Variants in CAMK1D observed in about 807,000 individuals in gnomAD.
CAMK1D encodes calcium/calmodulin dependent protein kinase ID.
In CAMK1D, 9 loss-of-function variants were observed where a neutral mutation model predicts 47.7. The ratio of observed to expected loss-of-function variants is 0.19; its 90% CI spans 0.11 to 0.33. CAMK1D has a LOEUF of 0.33. Ranked by LOEUF, CAMK1D falls within the 10% of genes least tolerant of loss-of-function variation. The pLI is 1.00. For synonymous variants in CAMK1D, 184 were observed against 184.9 expected (o/e 0.99, Z 0.04); for missense variants, 291 against 488.7 (o/e 0.60, Z 3.81).
At chr10:12,443,577 AATG>A (rs544893421) in intron 1 of CAMK1D, among the ~76,000 whole-genome samples, 11 of 152,302 alleles carry the variant, frequency 7.2e-5, no homozygotes, top group African/African-American at 2.6e-4. Flanking sequence ...GGAATAAAAG[AATG>A]GCTATTCCAT....
At chr10:12,702,500 A>G (rs1833562402) in intron 3 of CAMK1D, among the ~76,000 whole-genome samples, 2 of 152,218 alleles carry the variant, frequency 1.3e-5, no homozygotes, top group African/African-American at 4.8e-5. Flanking sequence ...CACTGAACAA[A>G]CAATGATGCA....
intron 3 of CAMK1D, among the ~76,000 whole-genome samples, chr10:12,712,704 A>G (rs1019913948): frequency 2.0e-5 from 3 of 152,090 alleles, no homozygotes; most frequent in African/African-American, 7.2e-5. Flanking sequence ...ATACCATCAT[A>G]CTGGGGGTTA....
intron 5 of CAMK1D, among the ~76,000 whole-genome samples, chr10:12,783,859 A>G (rs542120429): frequency 3.1e-4 from 47 of 152,302 alleles, no homozygotes; most frequent in African/African-American, 1.1e-3. Flanking sequence ...TGAGTCTCAC[A>G]GTAGTAAATC....
intron 2 of CAMK1D, among the ~76,000 whole-genome samples, chr10:12,630,377 T>C (rs563585705): frequency 3.1e-4 from 40 of 129,994 alleles, no homozygotes; most frequent in African/African-American, 8.8e-4. Flanking sequence ...TTCTTTCTTT[T>C]TTTTTTTTTT....
At chr10:12,532,004 A>G (rs949507800) in intron 1 of CAMK1D, among the ~76,000 whole-genome samples, 1 of 152,250 alleles carries the variant, frequency 6.6e-6, no homozygotes, top group African/African-American at 2.4e-5. Flanking sequence ...GCTCTTCCCA[A>G]TAAAGGCTTA....
At chr10:12,441,360 C>G (rs1440101522) in intron 1 of CAMK1D, among the ~76,000 whole-genome samples, 1 of 152,016 alleles carries the variant, frequency 6.6e-6, no homozygotes, top group Non-Finnish European at 1.5e-5. Flanking sequence ...ACAGGCCTGG[C>G]TAGTTTTTGT....
At chr10:12,637,737 C>T (rs909930220) in intron 2 of CAMK1D, among the ~76,000 whole-genome samples, 1 of 152,152 alleles carries the variant, frequency 6.6e-6, no homozygotes, top group Non-Finnish European at 1.5e-5. Context: ...GGCAGGAGAG[C>T]ATCCGTGACT....
rs114172063 is a variant in CAMK1D, at chr10:12,449,507, G to A, written c.92+99597G>A. ...AAGTGCCATCATCACACGCACACAA[G>A]GGGTGATGATGGCAGTTGATAGGTA... is the stretch of plus-strand genomic sequence containing the variant. On this transcript the variant is annotated intron_variant, in intron 1 of 10. Coordinates refer to ENST00000619168, the MANE Select transcript of CAMK1D (RefSeq NM_153498.4). Among the ~76,000 whole-genome samples, 85 of 118,400 alleles carry A rather than the reference G, an allele frequency of 7.2e-4. 1 individual carries two copies. The highest frequency in any genetic ancestry group is 2.4e-3 in the Admixed American group (25 of 10,626). The allele number at this position is 118,400 out of a possible 152,430, so 77.7% of individuals were successfully genotyped here.
rs186906514 is a variant in CAMK1D, at chr10:12,395,469, A to T, written c.92+45559A>T. Among the ~76,000 whole-genome samples the T allele has an allele frequency of 5.7e-3, 867 of 152,132 alleles. 7 individuals are homozygous for T. Among genetic ancestry groups the T allele is most frequent in the African/African-American group, 0.02 (836 of 41,440 alleles). ...AAAAGACATCACTGTGGAGGTTCCA[A>T]GGATTGTTGTATGCCAGGAAACTTT... On this transcript the variant is annotated intron_variant, in intron 1 of 10. Coordinates refer to ENST00000619168, the MANE Select transcript of CAMK1D (RefSeq NM_153498.4).
At chr10:12,586,208 T>A (rs1159305216) in intron 2 of CAMK1D, among the ~76,000 whole-genome samples, 1 of 152,162 alleles carries the variant, frequency 6.6e-6, no homozygotes, top group Non-Finnish European at 1.5e-5. Context: ...ATTTAAAAAA[T>A]TGTTTCTATT....
intron 1 of CAMK1D, among the ~76,000 whole-genome samples, chr10:12,362,068 C>CA (rs1837681633): frequency 6.6e-6 from 1 of 151,972 alleles, no homozygotes; most frequent in Non-Finnish European, 1.5e-5. Flanking sequence ...AGACAAAAAA[C>CA]AAAAAAGTGT....
At chr10:12,558,518 C>T (rs992015520) in intron 2 of CAMK1D, among the ~76,000 whole-genome samples, 5 of 151,380 alleles carry the variant, frequency 3.3e-5, no homozygotes, top group Non-Finnish European at 7.4e-5. Flanking sequence ...CGTGCCGTTG[C>T]ACTCCAACCT....
chr10:12,486,047 AG>A (rs1433211975), intron 1 of CAMK1D, among the ~76,000 whole-genome samples: 4 of 152,180 alleles, frequency 2.6e-5, no homozygotes, highest in African/African-American at 9.7e-5. Flanking sequence ...CGTACGCTAC[AG>A]GTCTTGGGAT....
chr10:12,439,360 AC>A lies in CAMK1D; in HGVS notation c.92+89451del, dbSNP rs1269348147. On this transcript the variant is annotated intron_variant, in intron 1 of 10. Transcript: ENST00000619168. Reference sequence around the variant, plus strand: ...GACTGGAGGCCAGACAGGGAGAGCCACGTGTTTTTCAAAATTACTCTGTGCT... The same window carrying A: ...GACTGGAGGCCAGACAGGGAGAGCCAGTGTTTTTCAAAATTACTCTGTGCT... Among the ~76,000 whole-genome samples, 7 of 152,330 alleles carry A rather than the reference AC, an allele frequency of 4.6e-5. No homozygotes were observed. The East Asian group carries it at 1.3e-3, about 29-fold the overall frequency.
intron 6 of CAMK1D, among the ~76,000 whole-genome samples, chr10:12,797,865 A>G (rs568612516): frequency 6.6e-6 from 1 of 152,236 alleles, no homozygotes; most frequent in Admixed American, 6.5e-5. Context: ...GTCTGTGACA[A>G]TTGGTTTACT....
At position 12,672,040 on chromosome 10, in the gene CAMK1D, C is replaced by T. The variant is rs543683026; in HGVS notation, c.299+5230C>T. 4.8e-3 allele frequency among the ~76,000 whole-genome samples: 733 copies of T among 151,472 alleles called. 4 individuals carry two copies. Among genetic ancestry groups the T allele is most frequent in the Non-Finnish European group, 7.8e-3 (527 of 67,852 alleles). On this transcript the variant is annotated intron_variant, in intron 3 of 10. Coordinates refer to ENST00000619168, the MANE Select transcript of CAMK1D (RefSeq NM_153498.4). Reference sequence around the variant, plus strand: ...ATGCCATTCTCCTGCCCCAGCCTCCCGAGTAGCTGGGACTACAGGCACCCG... The same window carrying T: ...ATGCCATTCTCCTGCCCCAGCCTCCTGAGTAGCTGGGACTACAGGCACCCG...
At chr10:12,402,665 G>A (rs1320887864) in intron 1 of CAMK1D, among the ~76,000 whole-genome samples, 4 of 152,192 alleles carry the variant, frequency 2.6e-5, no homozygotes, top group Non-Finnish European at 5.9e-5. Flanking sequence ...TGGAGTCCTG[G>A]AACAGGGGAG....
chr10:12,620,522 A>G (rs967660924), intron 2 of CAMK1D, among the ~76,000 whole-genome samples: 3 of 152,242 alleles, frequency 2.0e-5, no homozygotes, highest in Non-Finnish European at 2.9e-5. Context: ...ATGACCAATA[A>G]TGTTGTACAT....
chr10:12,771,320 C>A (rs2091712140), intron 5 of CAMK1D, among the ~76,000 whole-genome samples: 1 of 152,198 alleles, frequency 6.6e-6, no homozygotes, highest in Non-Finnish European at 1.5e-5. Context: ...TGTTATGTGA[C>A]CAGCATCACC....
Sources: allele counts gnomAD v4.1 joint callset (sites outside exome capture counted in the v4.1 genomes callset), GRCh38; gene constraint gnomAD v4.1.1; transcripts MANE v1.5; gene names NCBI Gene and HGNC (gene_info 2026-07-23, HGNC 2026-07-21).